RRBP1: variants seen among roughly 807,000 people sequenced by gnomAD.
The protein encoded by RRBP1 is ribosome-binding protein 1.
A neutral mutation model predicts 165.2 loss-of-function variants in RRBP1; 94 were observed. The observed-to-expected ratio is 0.57, with a 90% CI of 0.48 to 0.68. RRBP1 has a LOEUF of 0.68. Among genes scored for constraint, RRBP1 ranks in the 30% least tolerant of loss-of-function variants. The probability of loss-of-function intolerance (pLI) is 0.00; values close to 1 mark genes in which losing one functional copy is unlikely to be tolerated. For synonymous variants in RRBP1, 680 were observed against 714.5 expected, an observed-to-expected ratio of 0.95 and a Z score of 0.77; for missense variants, 1,676 against 1,763.0, an observed-to-expected ratio of 0.95 and a Z score of 0.88.
intron 19 of RRBP1, chr20:17,619,052 AGCT>A: frequency 4.4e-6 from 1 of 227,854 alleles, no homozygotes; most frequent in Non-Finnish European, 8.7e-6. Flanking sequence ...CCTCCTAAGC[AGCT>A]GGGAACGGAG....
chr20:17,614,292 T>TCAGCTCCCACCAA, intron 24 of RRBP1, 72 bp from the exon 25 acceptor site: 1 of 1,478,074 alleles, frequency 6.8e-7, no homozygotes, highest in Non-Finnish European at 9.4e-7. Flanking sequence ...CCCTCTACCC[T>TCAGCTCCCACCAA]GGGCCTTTAG....
chr20:17,656,707 A>G (rs1214270588), intron 3 of RRBP1, among the ~76,000 whole-genome samples: 2 of 152,094 alleles, frequency 1.3e-5, no homozygotes, highest in Non-Finnish European at 2.9e-5. Flanking sequence ...ATTCTTACCT[A>G]TTTTTCCCTC....
In RRBP1 at chr20:17,613,871, G is replaced by C. The variant is rs2035738163; in HGVS notation, c.*311C>G. The C allele has an allele frequency of 3.4e-6, 1 of 292,260 alleles. No homozygotes were observed. The highest frequency in any genetic ancestry group is 6.6e-6 in the Non-Finnish European group (1 of 151,508). The allele number at this position is 292,260 out of a possible 1,614,324, so 18.1% of individuals were successfully genotyped here. A position where few individuals can be genotyped will look rare whatever the true frequency, so the allele number is the denominator to read the frequency against. ...CACTAAACGATTGCACTGACAGACAGACCCCAGAGCGCCCGGCCTCCCACA... is the reference window on the plus strand; with the variant it reads ...CACTAAACGATTGCACTGACAGACACACCCCAGAGCGCCCGGCCTCCCACA... On this transcript the variant is annotated 3_prime_UTR_variant, in exon 25 of 25. Coordinates refer to ENST00000377813, the MANE Select transcript of RRBP1 (RefSeq NM_001365613.2).
chr20:17,627,284 C>G (rs888937676), intron 11 of RRBP1, 64 bp downstream of exon 11: 9 of 1,576,108 alleles, frequency 5.7e-6, no homozygotes, highest in Non-Finnish European at 6.9e-6. Context: ...CCCTGGCCCC[C>G]CAAGGGTCTT....
chr20:17,681,026 T>C (rs2037172272), intron 1 of RRBP1, among the ~76,000 whole-genome samples: 1 of 151,852 alleles, frequency 6.6e-6, no homozygotes, highest in Non-Finnish European at 1.5e-5. Flanking sequence ...CCTGAAGCAC[T>C]GCGGGCGCCC....
Position 17,658,673 on chromosome 20 carries a change from A to C in RRBP1, c.1835T>G (p.Val612Gly). The change falls in exon 3 of 25, where the codon GTG becomes GGG. Residue 612 changes from valine (V) to glycine (G), a missense_variant. By Grantham distance (109) the Val-to-Gly change is moderately radical. Around this residue, in one of 5 missense-constraint regions of RRBP1, gnomAD observed 1,184 missense variants for 1,167.1 expected, o/e 1.01. Transcript: ENST00000377813. ...SASVQGRNTD[V>G]AQSPEAPKQE... ...CTTTGGTGCCTCTGGGCTCTGGGCC[A>C]CATCTGTATTTCTGCCCTGGACAGA... The C allele has an allele frequency of 6.2e-7, 1 of 1,614,146 alleles. No homozygotes were observed. Among genetic ancestry groups the C allele is most frequent in the Non-Finnish European group, 8.5e-7 (1 of 1,180,032 alleles).
chr20:17,675,449 G>A (rs958568365), intron 2 of RRBP1, among the ~76,000 whole-genome samples: 1 of 152,028 alleles, frequency 6.6e-6, no homozygotes, highest in Non-Finnish European at 1.5e-5. Flanking sequence ...TCCCTGCACT[G>A]GTAGAGCTTA....
intron 2 of RRBP1, among the ~76,000 whole-genome samples, chr20:17,665,668 A>C (rs1387219988): frequency 1.3e-5 from 2 of 152,214 alleles, no homozygotes; most frequent in African/African-American, 4.8e-5. Context: ...AGGTTTTAAA[A>C]ATTTATGCTG....
At chr20:17,644,388 C>T (rs1428567326) in intron 3 of RRBP1, among the ~76,000 whole-genome samples, 2 of 152,190 alleles carry the variant, frequency 1.3e-5, no homozygotes, top group Non-Finnish European at 2.9e-5. Flanking sequence ...AATTTTAATG[C>T]ACACACAAGA....
In RRBP1 at chr20:17,658,539, A is replaced by G. The variant is rs369824969; in HGVS notation, c.1912+57T>C. ...CAGGTGGCACTCCCCGAGAGAATCC[A>G]TAAGTCATTTAAAGACAGCCTTTCC... On this transcript the variant is annotated intron_variant, in intron 3 of 24. Coordinates refer to ENST00000377813, the MANE Select transcript of RRBP1 (RefSeq NM_001365613.2). The G allele has an allele frequency of 2.1e-4, 306 of 1,440,854 alleles. 3 individuals carry two copies. In the South Asian group the frequency reaches 3.1e-3, roughly 14 times the overall value. The allele number at this position is 1,440,854 out of a possible 1,614,324, so 89.3% of individuals were successfully genotyped here. A position where few individuals can be genotyped will look rare whatever the true frequency, so the allele number is the denominator to read the frequency against.
At position 17,659,693 on chromosome 20, in the gene RRBP1, A is replaced by C. The variant is rs1280995972; in HGVS notation, c.815T>G (p.Val272Gly). ...AEGAQNQGKK[V>G]DTTPNQGKKV... ...TTTCCCCTGGTTTGGGGTTGTATCT[A>C]CCTTTTTACCCTGGTTCTGGGCCCC... is the stretch of plus-strand genomic sequence containing the variant. Residue 272 changes from valine (V) to glycine (G), a missense_variant, in exon 3 of 25, where the codon GTA (valine) becomes GGA (glycine). Physicochemically the swap from Val to Gly is moderately radical, Grantham distance 109. Transcript: ENST00000377813. The C allele has an allele frequency of 6.7e-7, 1 of 1,497,100 alleles. No individual in the cohort carries two copies. Among genetic ancestry groups the C allele is most frequent in the African/African-American group, 1.7e-5 (1 of 60,076 alleles). The allele number at this position is 1,497,100 out of a possible 1,614,324, so 92.7% of individuals were successfully genotyped here. A position where few individuals can be genotyped will look rare whatever the true frequency, so the allele number is the denominator to read the frequency against.
At chr20:17,676,321 A>C (rs1453156523) in intron 2 of RRBP1, among the ~76,000 whole-genome samples, 1 of 152,214 alleles carries the variant, frequency 6.6e-6, no homozygotes, top group Non-Finnish European at 1.5e-5. Flanking sequence ...TGCTGCGTAC[A>C]GGGTACAGGT....
chr20:17,646,350 C>T (rs543206665), intron 3 of RRBP1, among the ~76,000 whole-genome samples: 2 of 152,348 alleles, frequency 1.3e-5, no homozygotes, highest in South Asian at 4.1e-4. Flanking sequence ...CAAACACATC[C>T]GTGGGCCACG....
At chr20:17,635,712 C>T in intron 6 of RRBP1, 48 bp from the exon 7 acceptor site, 2 of 1,407,216 alleles carry the variant, frequency 1.4e-6, no homozygotes, top group Non-Finnish European at 1.0e-6. Flanking sequence ...GCCTCACACA[C>T]AGAACTGACT....
chr20:17,658,719 CCT>C lies in RRBP1; in HGVS notation c.1787_1788del (p.Gln596ArgfsTer2), dbSNP rs2036690978. On this transcript the variant is annotated frameshift_variant, in exon 3 of 25. Transcript: ENST00000377813. LOFTEE classifies it high-confidence loss of function. ...ACAGAAGCTGACTCTGTCTTTTTAC[CCT>C]GATTGGCAGCTGCGTCTGCCTTTTT... is the stretch of plus-strand genomic sequence containing the variant. ...QGKKADAAAN[Q>X]GKKTESASVQ... 1.9e-6 allele frequency: 3 copies of C among 1,614,116 alleles called. No homozygotes were observed. The highest frequency in any genetic ancestry group is 1.3e-5 in the African/African-American group (1 of 74,942).
intron 3 of RRBP1, among the ~76,000 whole-genome samples, chr20:17,653,081 A>C (rs1334134712): frequency 1.3e-5 from 2 of 152,220 alleles, no homozygotes; most frequent in Non-Finnish European, 2.9e-5. Context: ...GGAGCAGAGA[A>C]GGGCCTTTGC....
At chr20:17,644,441 T>C (rs1244410630) in intron 3 of RRBP1, among the ~76,000 whole-genome samples, 1 of 152,214 alleles carries the variant, frequency 6.6e-6, no homozygotes, top group Non-Finnish European at 1.5e-5. Flanking sequence ...AAAACATGCA[T>C]GGCTCACTCT....
rs764519079 is a variant in RRBP1, at chr20:17,635,656, A to C, written c.2346T>G (p.Thr782=). The C allele has an allele frequency of 6.2e-7, 1 of 1,613,232 alleles. No homozygotes were observed. Among genetic ancestry groups the C allele is most frequent in the Non-Finnish European group, 8.5e-7 (1 of 1,179,742 alleles). Residue 782 remains threonine (T), a synonymous_variant, in exon 7 of 25, where the codon ACT becomes ACG. Coordinates refer to ENST00000377813, the MANE Select transcript of RRBP1 (RefSeq NM_001365613.2). ...GGCCATTCTCCAGCTGCTCCTGAAG[A>C]GTCCGGATCTGGAAAGTCACGGGCA... ...EVQQLQGKIR[T]LQEQLENGPN...
chr20:17,626,799 C>G (rs983240211), intron 11 of RRBP1, among the ~76,000 whole-genome samples: 2 of 152,224 alleles, frequency 1.3e-5, no homozygotes, highest in African/African-American at 4.8e-5. Context: ...ACTCCCCGAA[C>G]ATGGCCTGGC....
Sources: gnomAD v4.1 joint callset for allele counts (sites outside exome capture counted in the v4.1 genomes callset) on GRCh38, gnomAD v4.1.1 for gene constraint, gnomAD v4.1.1 regional missense constraint, MANE v1.5 for transcripts, NCBI Gene and HGNC (gene_info 2026-07-23, HGNC 2026-07-21) for gene names.